Variants in ARHGAP15 observed in about 807,000 individuals in gnomAD.
The protein encoded by ARHGAP15 is Rho GTPase activating protein 15.
A neutral mutation model predicts 63.7 loss-of-function variants in ARHGAP15; 51 were observed. The observed-to-expected ratio is 0.80, with a 90% confidence interval of 0.64 to 1.01. ARHGAP15 has a LOEUF of 1.01. ARHGAP15 is among the 50% of genes least tolerant of loss of function. The pLI, the probability that ARHGAP15 is intolerant of heterozygous loss-of-function variation, is 0.00. For synonymous variants in ARHGAP15, 191 were observed against 193.8 expected, an observed-to-expected ratio of 0.99 and a Z score of 0.12; for missense variants, 560 against 564.6, an observed-to-expected ratio of 0.99 and a Z score of 0.08.
chr2:143,278,223 C>T (rs1449720116), intron 6 of ARHGAP15, among the ~76,000 whole-genome samples: 1 of 152,102 alleles, frequency 6.6e-6, no homozygotes, highest in Non-Finnish European at 1.5e-5. Context: ...TGCCTATTGC[C>T]GGTCCAGAAT....
At chr2:143,399,650 T>TG (rs1257968724) in intron 6 of ARHGAP15, among the ~76,000 whole-genome samples, 1 of 151,960 alleles carries the variant, frequency 6.6e-6, no homozygotes, top group African/African-American at 2.4e-5. Context: ...TTTTTACAGC[T>TG]GGGAAAAAAG....
At chr2:143,600,974 T>TA (rs1432631686) in intron 11 of ARHGAP15, among the ~76,000 whole-genome samples, 2 of 152,182 alleles carry the variant, frequency 1.3e-5, no homozygotes, top group Non-Finnish European at 2.9e-5. Context: ...GACCTATTTT[T>TA]AAAGTACATT....
rs1248067969 is a variant in ARHGAP15, at chr2:143,222,831, G to T, written c.297-5750G>T. Among the ~76,000 whole-genome samples, 3 of 152,022 alleles carry T rather than the reference G, an allele frequency of 2.0e-5. No homozygotes were observed. The South Asian group carries it at 6.2e-4, about 32-fold the overall frequency. ...ATGAAGTGTTTCACTTGGATAAAAT[G>T]TCCCACCAATTGCATAAATGGTACA... On this transcript the variant is annotated intron_variant, in intron 4 of 13. Transcript: ENST00000295095.
chr2:143,592,683 A>T (rs996969140), intron 11 of ARHGAP15, among the ~76,000 whole-genome samples: 1 of 152,218 alleles, frequency 6.6e-6, no homozygotes, highest in African/African-American at 2.4e-5. Context: ...AGAAGAGAAG[A>T]CTTAACTCTT....
intron 11 of ARHGAP15, among the ~76,000 whole-genome samples, chr2:143,621,119 C>G (rs1031047968): frequency 2.0e-5 from 3 of 152,138 alleles, no homozygotes; most frequent in Non-Finnish European, 4.4e-5. Flanking sequence ...TTTTTATCAT[C>G]CCCACTGGGA....
chr2:143,700,694 G>A (rs1249929591), intron 12 of ARHGAP15, among the ~76,000 whole-genome samples: 1 of 152,122 alleles, frequency 6.6e-6, no homozygotes, highest in African/African-American at 2.4e-5. Context: ...ATGAGTGTGT[G>A]TGTGTGTGTA....
intron 6 of ARHGAP15, among the ~76,000 whole-genome samples, chr2:143,387,674 A>G (rs935166245): frequency 2.0e-5 from 3 of 152,118 alleles, no homozygotes; most frequent in African/African-American, 7.2e-5. Context: ...GATGAAAATG[A>G]ATAGAATGTA....
chr2:143,387,958 T>C (rs1187981601), intron 6 of ARHGAP15, among the ~76,000 whole-genome samples: 2 of 150,982 alleles, frequency 1.3e-5, no homozygotes, highest in Non-Finnish European at 1.5e-5. Flanking sequence ...CACAAGCAAA[T>C]GATATTTAGA....
At chr2:143,188,214 G>A (rs1376470246) in intron 2 of ARHGAP15, among the ~76,000 whole-genome samples, 1 of 151,756 alleles carries the variant, frequency 6.6e-6, no homozygotes, top group Non-Finnish European at 1.5e-5. Context: ...TTTCATCATA[G>A]TTTTTCACAA....
chr2:143,339,201 T>A (rs948714760), intron 6 of ARHGAP15, among the ~76,000 whole-genome samples: 1 of 152,122 alleles, frequency 6.6e-6, no homozygotes, highest in Non-Finnish European at 1.5e-5. Flanking sequence ...AGCGGAGTGT[T>A]GGGTAGTGAA....
rs145926672 is a variant in ARHGAP15, at chr2:143,715,436, T to C, written c.1244+11912T>C. Among the ~76,000 whole-genome samples, 701 of 152,338 alleles carry C rather than the reference T, an allele frequency of 4.6e-3. 5 individuals are homozygous for C. The highest frequency in any genetic ancestry group is 0.015 in the African/African-American group (628 of 41,574). On this transcript the variant is annotated intron_variant, in intron 13 of 13. Transcript: ENST00000295095. ...ATTTTCAGACTAGTACTAGGAAATA[T>C]TCCATCTTAAGGGTATTGGTAAGCA...
chr2:143,134,801 ATT>A (rs35076104), intron 1 of ARHGAP15, among the ~76,000 whole-genome samples: 1 of 151,350 alleles, frequency 6.6e-6, no homozygotes, highest in Non-Finnish European at 1.5e-5. Context: ...AGCCCAGCTA[ATT>A]TTTTTTTGTA....
intron 6 of ARHGAP15, among the ~76,000 whole-genome samples, chr2:143,278,963 A>T (rs940898016): frequency 2.6e-5 from 4 of 151,612 alleles, no homozygotes; most frequent in Non-Finnish European, 5.9e-5. Flanking sequence ...CAAATAGCAG[A>T]GAATTTAGAG....
At chr2:143,678,912 A>G (rs928451842) in intron 12 of ARHGAP15, among the ~76,000 whole-genome samples, 2 of 152,228 alleles carry the variant, frequency 1.3e-5, no homozygotes, top group Non-Finnish European at 2.9e-5. Flanking sequence ...CTATGAAAGC[A>G]TACATTTTTT....
chr2:143,346,232 T>TCACACACACACA (rs1221198422), intron 6 of ARHGAP15, among the ~76,000 whole-genome samples: 9 of 47,614 alleles, frequency 1.9e-4, no homozygotes, highest in African/African-American at 6.8e-4. Flanking sequence ...ACACACACTC[T>TCACACACACACA]CTCTCACACA....
At chr2:143,468,548 A>C (rs1196859511) in intron 8 of ARHGAP15, among the ~76,000 whole-genome samples, 1 of 152,038 alleles carries the variant, frequency 6.6e-6, no homozygotes, top group African/African-American at 2.4e-5. Flanking sequence ...TGATGCCATA[A>C]AGGATTGTTT....
At chr2:143,497,353 G>A (rs1692861228) in intron 9 of ARHGAP15, among the ~76,000 whole-genome samples, 1 of 152,158 alleles carries the variant, frequency 6.6e-6, no homozygotes, top group Non-Finnish European at 1.5e-5. Context: ...GCCCATGGCT[G>A]TTTCAGTCCT....
At position 143,232,719 on chromosome 2, in the gene ARHGAP15, C is replaced by T. The variant is rs548811995; in HGVS notation, c.384+4051C>T. On this transcript the variant is annotated intron_variant, in intron 5 of 13. Transcript: ENST00000295095. ...TTCTCTGGAGTTAGCCAAGAACCTG[C>T]GTTTTAGTCATTATTTCATTGCCTT... 7.8e-4 allele frequency among the ~76,000 whole-genome samples: 119 copies of T among 152,170 alleles called. 1 individual carries two copies. Among genetic ancestry groups the T allele is most frequent in the African/African-American group, 2.8e-3 (115 of 41,526 alleles).
intron 6 of ARHGAP15, among the ~76,000 whole-genome samples, chr2:143,391,606 C>T (rs1687541213): frequency 1.3e-5 from 2 of 152,124 alleles, no homozygotes; most frequent in Admixed American, 1.3e-4. Flanking sequence ...TACCACCAGT[C>T]CCCTTTCCTG....
Sources: allele counts gnomAD v4.1 joint callset (sites outside exome capture counted in the v4.1 genomes callset), GRCh38; gene constraint gnomAD v4.1.1; transcripts MANE v1.5; gene names NCBI Gene and HGNC (gene_info 2026-07-23, HGNC 2026-07-21).